MLKL: variants seen among roughly 807,000 people sequenced by gnomAD.
The protein encoded by MLKL is mixed lineage kinase domain-like protein.
Under a neutral mutation model 56.5 loss-of-function variants are expected in MLKL, and 55 were observed. The ratio of observed to expected loss-of-function variants is 0.97; its 90% CI spans 0.78 to 1.22. The LOEUF is 1.22. Ranked by LOEUF, MLKL falls within the 50% of genes most tolerant of loss-of-function variation. The pLI is 0.00. For missense variants in MLKL, 694 were observed against 573.9 expected (o/e 1.21, Z -2.14); for synonymous variants, 251 against 208.3 (o/e 1.20, Z -1.76).
At chr16:74,675,794 A>G (rs1261015624) in intron 7 of MLKL, 30 bp from the exon 8 acceptor site, 1 of 1,611,444 alleles carries the variant, frequency 6.2e-7, no homozygotes, top group Non-Finnish European at 8.5e-7. Context: ...AGAAAGAAAC[A>G]AGCAAGATCT....
At chr16:74,700,144 GTCTC>G (rs535505584) in intron 1 of MLKL, among the ~76,000 whole-genome samples, 2 of 152,006 alleles carry the variant, frequency 1.3e-5, no homozygotes, top group Non-Finnish European at 2.9e-5. Context: ...CTCTCACTCT[GTCTC>G]TCTCTCACGC....
intron 2 of MLKL, 124 bp from the exon 3 acceptor site, chr16:74,692,540 G>A (rs979058003): frequency 1.5e-6 from 1 of 689,492 alleles, no homozygotes; most frequent in Admixed American, 3.0e-5. Context: ...TTATGGTAGG[G>A]ATTACTACTG....
In MLKL at chr16:74,683,864, G is replaced by A. The variant is rs1050314176; in HGVS notation, c.821-1078C>T. Among the ~76,000 whole-genome samples, 8 of 152,178 alleles carry A rather than the reference G, an allele frequency of 5.3e-5. No individual in the cohort carries two copies. In the East Asian group the frequency reaches 5.8e-4, roughly 11 times the overall value. On this transcript the variant is annotated intron_variant, in intron 5 of 10. Coordinates refer to ENST00000308807, the MANE Select transcript of MLKL (RefSeq NM_152649.4). ...TCGACTTCCCCATTCATGGGCCTGAGCTGCAAAACTGACATGTGACTGAGC... is the reference window on the plus strand; with the variant it reads ...TCGACTTCCCCATTCATGGGCCTGAACTGCAAAACTGACATGTGACTGAGC...
chr16:74,687,310 G>A (rs553828077), intron 4 of MLKL, among the ~76,000 whole-genome samples: 3 of 152,046 alleles, frequency 2.0e-5, no homozygotes, highest in East Asian at 1.9e-4. Context: ...ATGGAAACAC[G>A]TCCCATGTTC....
intron 7 of MLKL, chr16:74,678,217 C>G (rs1959722506): frequency 6.6e-6 from 1 of 152,382 alleles, no homozygotes; most frequent in Non-Finnish European, 1.5e-5. Context: ...TGCTGACATC[C>G]TTCTAAGTAA....
At chr16:74,674,714 A>G (rs1449694753) in intron 10 of MLKL, among the ~76,000 whole-genome samples, 1 of 152,120 alleles carries the variant, frequency 6.6e-6, no homozygotes, top group Non-Finnish European at 1.5e-5. Flanking sequence ...AAGGGCTAGA[A>G]TTACAGGCAT....
chr16:74,698,002 G>C (rs550072835), intron 1 of MLKL, among the ~76,000 whole-genome samples: 1 of 152,094 alleles, frequency 6.6e-6, no homozygotes, highest in Non-Finnish European at 1.5e-5. Flanking sequence ...GCCTGAGTTC[G>C]AGACCAGCCT....
In MLKL at chr16:74,675,119, G is replaced by A; in HGVS notation, c.1241-19C>T. The A allele has an allele frequency of 1.2e-6, 2 of 1,612,392 alleles. No homozygotes were observed. Among genetic ancestry groups the A allele is most frequent in the Non-Finnish European group, 1.7e-6 (2 of 1,179,128 alleles). On this transcript the variant is annotated intron_variant, in intron 9 of 10. Transcript: ENST00000308807. Reference sequence around the variant, plus strand: ...TTACAGCCTGGAAATGATAGCATGAGAGCCTCAAAAAATTGCTCCGCTACT... The same window carrying A: ...TTACAGCCTGGAAATGATAGCATGAAAGCCTCAAAAAATTGCTCCGCTACT...
chr16:74,674,391 G>A (rs534192681), intron 10 of MLKL, among the ~76,000 whole-genome samples: 9 of 151,998 alleles, frequency 5.9e-5, no homozygotes, highest in East Asian at 1.9e-4. Context: ...GAGCTCAGGC[G>A]ATCCACCCAC....
In MLKL at chr16:74,676,441, G is replaced by T. The variant is rs115461486; in HGVS notation, c.1039-677C>A. 37 of 985,502 alleles carry T rather than the reference G, an allele frequency of 3.8e-5. No individual in the cohort carries two copies. The African/African-American group carries it at 5.8e-4, about 15-fold the overall frequency. The allele number at this position is 985,502 out of a possible 1,614,324, so 61.0% of individuals were successfully genotyped here. On this transcript the variant is annotated intron_variant, in intron 7 of 10. Transcript: ENST00000308807. ...GTACCCAAATCTAGGGGCAATGTGA[G>T]AAAAGGGATAAGGCACTTAGATGGC...
intron 4 of MLKL, among the ~76,000 whole-genome samples, chr16:74,687,844 G>A (rs1035671296): frequency 6.8e-6 from 1 of 146,548 alleles, no homozygotes; most frequent in Non-Finnish European, 1.5e-5. Context: ...ATTTTTTTTT[G>A]CGATGGAGTC....
At chr16:74,673,531 G>A (rs1024137923) in intron 10 of MLKL, among the ~76,000 whole-genome samples, 6 of 151,932 alleles carry the variant, frequency 3.9e-5, no homozygotes, top group African/African-American at 1.5e-4. Flanking sequence ...TCTCTCTTTT[G>A]TCTGGGCTTT....
At chr16:74,693,359 T>G (rs1960791403) in intron 2 of MLKL, among the ~76,000 whole-genome samples, 1 of 147,344 alleles carries the variant, frequency 6.8e-6, no homozygotes, top group Non-Finnish European at 1.5e-5. Context: ...TCCCAACTAC[T>G]GGGGTGACTG....
In MLKL at chr16:74,695,545, C is replaced by T. The variant is rs1567620265; in HGVS notation, c.213G>A (p.Glu71=). 2 of 1,614,178 alleles carry T rather than the reference C, an allele frequency of 1.2e-6. No individual in the cohort carries two copies. The highest frequency in any genetic ancestry group is 2.2e-5 in the East Asian group (1 of 44,870). The part of the protein sequence containing the change: ...AMNRFKAALE[E]ANGEIEKFSN... Reference sequence around the variant, plus strand: ...TGAACTTTTCTATCTCCCCATTAGCCTCCTCCAGGGCAGCCTTGAAGCGGT... The same window carrying T: ...TGAACTTTTCTATCTCCCCATTAGCTTCCTCCAGGGCAGCCTTGAAGCGGT... Residue 71 remains glutamate, a synonymous_variant, in exon 2 of 11, where the codon GAG becomes GAA. Coordinates refer to ENST00000308807, the MANE Select transcript of MLKL (RefSeq NM_152649.4).
At chr16:74,673,384 TTTTTTGTA>T (rs1567596980) in intron 10 of MLKL, among the ~76,000 whole-genome samples, 1 of 152,168 alleles carries the variant, frequency 6.6e-6, no homozygotes, top group East Asian at 1.9e-4. Flanking sequence ...TGCCCAGCTA[TTTTTTGTA>T]TTTTTAGTAG....
At chr16:74,698,213 ACAC>A (rs763138569) in intron 1 of MLKL, among the ~76,000 whole-genome samples, 4 of 152,006 alleles carry the variant, frequency 2.6e-5, no homozygotes, top group Non-Finnish European at 4.4e-5. Context: ...TGTCTCAAAA[ACAC>A]CACCACCACC....
At chr16:74,672,800 C>T (rs2144433794) in intron 10 of MLKL, among the ~76,000 whole-genome samples, 1 of 152,244 alleles carries the variant, frequency 6.6e-6, no homozygotes, top group Non-Finnish European at 1.5e-5. Context: ...TTCCTTAATA[C>T]TAGGAGGACC....
intron 6 of MLKL, among the ~76,000 whole-genome samples, chr16:74,681,515 C>T (rs759848736): frequency 8.0e-5 from 12 of 150,402 alleles, no homozygotes; most frequent in Non-Finnish European, 1.2e-4. Flanking sequence ...AAGACACGGC[C>T]GGGCGCGGTG....
At chr16:74,676,433 C>A in intron 7 of MLKL, 1 of 985,470 alleles carries the variant, frequency 1.0e-6, no homozygotes, top group Non-Finnish European at 1.2e-6. Context: ...AATCTAGGGG[C>A]AATGTGAGAA....
Sources: gnomAD v4.1 joint callset for allele counts (sites outside exome capture counted in the v4.1 genomes callset) on GRCh38, gnomAD v4.1.1 for gene constraint, MANE v1.5 for transcripts, NCBI Gene and HGNC (gene_info 2026-07-23, HGNC 2026-07-21) for gene names.